Variants in GRM5 observed in about 807,000 individuals in gnomAD.
GRM5 encodes metabotropic glutamate receptor 5.
In GRM5, 19 loss-of-function variants were observed where a neutral mutation model predicts 83.1. The ratio of observed to expected loss-of-function variants is 0.23; its 90% CI spans 0.16 to 0.34. GRM5 has a LOEUF of 0.34. Ranked by LOEUF, GRM5 falls within the 10% of genes least tolerant of loss-of-function variation. The pLI is 1.00. For missense variants in GRM5, 1,160 were observed against 1,588.3 expected (o/e 0.73, Z 4.58); for synonymous variants, 675 against 633.6 (o/e 1.07, Z -0.98).
At chr11:88,593,916 C>A (rs1937722691) in intron 6 of GRM5, among the ~76,000 whole-genome samples, 1 of 151,612 alleles carries the variant, frequency 6.6e-6, no homozygotes, top group African/African-American at 2.4e-5. Context: ...GCCTCAGCCT[C>A]CCAAGTAGCT....
rs1181167230 is a variant in GRM5 at position 88,927,081 on chromosome 11, C to G, written c.662-76926G>C. Among the ~76,000 whole-genome samples the G allele has an allele frequency of 9.2e-5, 14 of 152,246 alleles. 1 individual carries two copies. In the South Asian group the frequency reaches 2.9e-3, roughly 32 times the overall value. On this transcript the variant is annotated intron_variant, in intron 2 of 9. Coordinates refer to ENST00000305447, the MANE Select transcript of GRM5 (RefSeq NM_001143831.3). ...AATGCATGCAATGCTAATTTGTTGT[C>G]AGCCTCATGACATCTTAAATAAAGA...
intron 3 of GRM5, among the ~76,000 whole-genome samples, chr11:88,775,402 T>C (rs1021037131): frequency 2.6e-5 from 4 of 152,180 alleles, no homozygotes; most frequent in Admixed American, 2.0e-4. Flanking sequence ...CCTGCATTCA[T>C]TGATTTTTTG....
intron 3 of GRM5, among the ~76,000 whole-genome samples, chr11:88,812,771 C>T (rs1304145065): frequency 6.6e-6 from 1 of 152,044 alleles, no homozygotes; most frequent in Non-Finnish European, 1.5e-5. Flanking sequence ...ACACAGAAAA[C>T]TTTGAGCTCC....
chr11:88,953,806 T>C (rs1041439484), intron 2 of GRM5, among the ~76,000 whole-genome samples: 1 of 152,200 alleles, frequency 6.6e-6, no homozygotes, highest in African/African-American at 2.4e-5. Flanking sequence ...CACAATTGAG[T>C]GCTTTATGAT....
At chr11:88,611,147 G>A (rs560798721) in intron 4 of GRM5, among the ~76,000 whole-genome samples, 1 of 152,210 alleles carries the variant, frequency 6.6e-6, no homozygotes, top group African/African-American at 2.4e-5. Flanking sequence ...TTGCATCTAT[G>A]TTCATCAGGG....
chr11:89,047,353 C>A lies in GRM5; in HGVS notation c.520G>T (p.Ala174Ser). The A allele has an allele frequency of 6.2e-7, 1 of 1,614,060 alleles. No individual in the cohort carries two copies. The highest frequency in any genetic ancestry group is 8.5e-7 in the Non-Finnish European group (1 of 1,179,978). Residue 174 changes from alanine (A) to serine (S), a missense_variant, in exon 2 of 10, where the codon GCA (alanine) becomes TCA (serine). By Grantham distance (99) the Ala-to-Ser change is moderately conservative. Transcript: ENST00000305447. This position sits in a 1 kb window ranked among gnomAD's most constrained non-coding sequence, Gnocchi z 5.1. ...LFNIPQIAYS[A>S]TSMDLSDKTL... Reference sequence around the variant, plus strand: ...TTGTCACTCAGATCCATGCTGGTTGCTGAGTAAGCAATCTGAGGTATGTTG... The same window carrying A: ...TTGTCACTCAGATCCATGCTGGTTGATGAGTAAGCAATCTGAGGTATGTTG...
intron 2 of GRM5, among the ~76,000 whole-genome samples, chr11:88,897,285 G>T (rs1269128509): frequency 6.6e-6 from 1 of 151,770 alleles, no homozygotes; most frequent in Non-Finnish European, 1.5e-5. Context: ...TATTCATAGG[G>T]TTCATCCCTT....
intron 3 of GRM5, among the ~76,000 whole-genome samples, chr11:88,821,344 C>CAAAAAA (rs375051761): frequency 1.3e-3 from 88 of 68,026 alleles, no homozygotes; most frequent in Admixed American, 6.9e-3. Context: ...CTTGAGGGGC[C>CAAAAAA]AAAAAAAAAA....
At chr11:88,957,626 T>G (rs1938663022) in intron 2 of GRM5, among the ~76,000 whole-genome samples, 1 of 152,158 alleles carries the variant, frequency 6.6e-6, no homozygotes, top group Non-Finnish European at 1.5e-5. Context: ...CTTACTATAA[T>G]GAAAATGGAC....
chr11:88,539,965 C>A (rs1347100037), intron 8 of GRM5, among the ~76,000 whole-genome samples: 3 of 152,086 alleles, frequency 2.0e-5, no homozygotes, highest in Non-Finnish European at 4.4e-5. Flanking sequence ...CTCACTACAC[C>A]GTAAAGTTTA....
chr11:88,511,474 T>C (rs1941367045), intron 9 of GRM5, among the ~76,000 whole-genome samples: 2 of 152,242 alleles, frequency 1.3e-5, no homozygotes, highest in African/African-American at 4.8e-5. Flanking sequence ...ATGGTCTTTC[T>C]TTCTCCGCTC....
chr11:88,519,771 C>T (rs372332998), intron 9 of GRM5, among the ~76,000 whole-genome samples: 17 of 152,172 alleles, frequency 1.1e-4, no homozygotes, highest in East Asian at 7.7e-4. Flanking sequence ...ACAGTAAATA[C>T]GTAAAAAACA....
At chr11:88,779,821 G>A (rs532836845) in intron 3 of GRM5, among the ~76,000 whole-genome samples, 21 of 152,220 alleles carry the variant, frequency 1.4e-4, no homozygotes, top group Admixed American at 4.6e-4. Context: ...TGCTAAGGTC[G>A]GTGAATTCCA....
intron 3 of GRM5, among the ~76,000 whole-genome samples, chr11:88,659,638 AATAGTT>A (rs1173801209): frequency 6.6e-6 from 1 of 152,216 alleles, no homozygotes; most frequent in African/African-American, 2.4e-5. Context: ...AAAGCAGACC[AATAGTT>A]ATAGTTATAA....
chr11:89,007,155 A>G (rs1299948340), intron 2 of GRM5, among the ~76,000 whole-genome samples: 1 of 152,198 alleles, frequency 6.6e-6, no homozygotes, highest in African/African-American at 2.4e-5. Context: ...TTATTAGGCC[A>G]CATGCCCCTA....
rs142972777 is a variant in GRM5, at chr11:88,540,270, T to G, written c.2631-14866A>C. 4.0e-4 allele frequency among the ~76,000 whole-genome samples: 61 copies of G among 152,330 alleles called. 1 individual carries two copies. The East Asian group carries it at 0.011, about 27-fold the overall frequency. Reference sequence around the variant, plus strand: ...ACCCCTCCTGTCCTATCTCAATGCATAAAACTTGTCTTTGTTTTCCTCATT... The same window carrying G: ...ACCCCTCCTGTCCTATCTCAATGCAGAAAACTTGTCTTTGTTTTCCTCATT... On this transcript the variant is annotated intron_variant, in intron 8 of 9. Transcript: ENST00000305447.
chr11:88,550,124 G>C (rs1479883934), intron 8 of GRM5, among the ~76,000 whole-genome samples: 1 of 152,052 alleles, frequency 6.6e-6, no homozygotes, highest in African/African-American at 2.4e-5. Flanking sequence ...AATAGAAGAA[G>C]AAGAAGAAAC....
intron 3 of GRM5, among the ~76,000 whole-genome samples, chr11:88,756,961 C>T (rs1449267344): frequency 6.6e-6 from 1 of 152,008 alleles, no homozygotes; most frequent in Non-Finnish European, 1.5e-5. Context: ...TTAAATGGAA[C>T]TCAAAAAACT....
chr11:88,550,855 TTCTGGTA>T, intron 8 of GRM5, among the ~76,000 whole-genome samples: 1 of 152,170 alleles, frequency 6.6e-6, no homozygotes, highest in South Asian at 2.1e-4. Flanking sequence ...TGTTTATAAT[TTCTGGTA>T]GCTAAGCTAA....
Sources: gnomAD v4.1 joint callset for allele counts (sites outside exome capture counted in the v4.1 genomes callset) on GRCh38, gnomAD v4.1.1 for gene constraint, Gnocchi (gnomAD v3.1) non-coding constraint, MANE v1.5 for transcripts, NCBI Gene and HGNC (gene_info 2026-07-23, HGNC 2026-07-21) for gene names.